The following CCDC91 variants were observed in gnomAD, a reference collection of about 807,000 sequenced individuals.
The protein encoded by CCDC91 is coiled-coil domain containing 91.
In CCDC91, 48 loss-of-function variants were observed where a neutral mutation model predicts 63.2. The ratio of observed to expected loss-of-function variants is 0.76; its 90% CI spans 0.60 to 0.97. The LOEUF (loss-of-function observed/expected upper bound fraction) is 0.97. Among genes scored for constraint, CCDC91 ranks in the 50% least tolerant of loss-of-function variants. The pLI is 0.00. For missense variants in CCDC91, 500 were observed against 494.6 expected, an observed-to-expected ratio of 1.01 and a Z score of -0.10; for synonymous variants, 167 against 165.8, an observed-to-expected ratio of 1.01 and a Z score of -0.06.
rs562150663 is a variant in CCDC91, at chr12:28,194,505, G to A, written c.-15+3864G>A. ...CTTCTGGTGGGTCCATGGTCTTGCC[G>A]ACTTCAGGAGCAAAGCCACAGACCT... On this transcript the variant is annotated intron_variant, in intron 1 of 12. Coordinates refer to ENST00000536442, the MANE Select transcript of CCDC91 (RefSeq NM_018318.5). 4.8e-4 allele frequency among the ~76,000 whole-genome samples: 73 copies of A among 152,284 alleles called. 2 individuals carry two copies. The South Asian group carries it at 0.014, about 29-fold the overall frequency.
chr12:28,479,834 A>AG (rs138553408), intron 11 of CCDC91, among the ~76,000 whole-genome samples: 15,735 of 151,994 alleles, frequency 0.1, 2,165 homozygotes, highest in African/African-American at 0.32. Flanking sequence ...ACTTTTGAAG[A>AG]TGTTGTGCTA....
At chr12:28,232,029 C>T (rs1944634064) in intron 1 of CCDC91, among the ~76,000 whole-genome samples, 1 of 152,128 alleles carries the variant, frequency 6.6e-6, no homozygotes, top group African/African-American at 2.4e-5. Context: ...AGTCTGAAAT[C>T]TGTGATTTTC....
At chr12:28,366,719 A>G (rs970601749) in intron 7 of CCDC91, among the ~76,000 whole-genome samples, 5 of 152,012 alleles carry the variant, frequency 3.3e-5, no homozygotes, top group Non-Finnish European at 7.4e-5. Context: ...GTATCAAGGG[A>G]TACCTAATGG....
At chr12:28,522,455 C>A (rs1940796925) in intron 12 of CCDC91, among the ~76,000 whole-genome samples, 1 of 151,804 alleles carries the variant, frequency 6.6e-6, no homozygotes, top group South Asian at 2.1e-4. Context: ...CTATTTGATT[C>A]TTCTCTCTTT....
At chr12:28,222,478 T>C (rs1167952018) in intron 1 of CCDC91, among the ~76,000 whole-genome samples, 1 of 152,248 alleles carries the variant, frequency 6.6e-6, no homozygotes, top group African/African-American at 2.4e-5. Context: ...ATATGTACTA[T>C]ATTTTTTGGT....
intron 12 of CCDC91, among the ~76,000 whole-genome samples, chr12:28,500,138 G>A (rs1305249779): frequency 6.6e-6 from 1 of 150,720 alleles, no homozygotes; most frequent in Non-Finnish European, 1.5e-5. Flanking sequence ...CTACATAAAT[G>A]TCTTCTTTTG....
At chr12:28,333,887 C>G (rs1286310743) in intron 6 of CCDC91, among the ~76,000 whole-genome samples, 1 of 152,064 alleles carries the variant, frequency 6.6e-6, no homozygotes, top group Non-Finnish European at 1.5e-5. Flanking sequence ...TTTTTTGTAG[C>G]TACATCTCTG....
intron 4 of CCDC91, among the ~76,000 whole-genome samples, chr12:28,306,061 T>C (rs1375161138): frequency 6.6e-6 from 1 of 152,086 alleles, no homozygotes; most frequent in African/African-American, 2.4e-5. Flanking sequence ...TATTAAACTT[T>C]ACTTGGCTTT....
intron 1 of CCDC91, among the ~76,000 whole-genome samples, chr12:28,201,491 G>A (rs35274465): frequency 1.1e-4 from 14 of 124,286 alleles, no homozygotes; most frequent in Admixed American, 3.1e-4. Context: ...AGAGGCGCTC[G>A]TCACTTCCTA....
chr12:28,354,243 C>T (rs1024512285), intron 6 of CCDC91, among the ~76,000 whole-genome samples: 2 of 152,144 alleles, frequency 1.3e-5, no homozygotes, highest in Non-Finnish European at 2.9e-5. Flanking sequence ...CTTCCGGCTT[C>T]TATTAGTGAC....
At chr12:28,328,483 T>C (rs1470625739) in intron 6 of CCDC91, among the ~76,000 whole-genome samples, 1 of 152,224 alleles carries the variant, frequency 6.6e-6, no homozygotes, top group Non-Finnish European at 1.5e-5. Context: ...CTGCAGCTTT[T>C]ATTTTCAGAT....
At chr12:28,272,642 C>T (rs1186711411) in intron 3 of CCDC91, among the ~76,000 whole-genome samples, 2 of 151,688 alleles carry the variant, frequency 1.3e-5, no homozygotes, top group African/African-American at 2.4e-5. Flanking sequence ...TATTTGATGC[C>T]GTAATGCTCT....
chr12:28,276,703 T>C (rs541829573), intron 3 of CCDC91, among the ~76,000 whole-genome samples: 1 of 151,936 alleles, frequency 6.6e-6, no homozygotes, highest in Non-Finnish European at 1.5e-5. Context: ...GATTTTTTTA[T>C]GTTTGAGAGT....
intron 8 of CCDC91, among the ~76,000 whole-genome samples, chr12:28,406,095 A>G (rs1161140597): frequency 3.3e-5 from 5 of 151,948 alleles, no homozygotes; most frequent in East Asian, 1.9e-4. Flanking sequence ...TTTTTCCTCA[A>G]TTTTTAAGTT....
chr12:28,329,536 A>AT, intron 6 of CCDC91, among the ~76,000 whole-genome samples: 1 of 152,284 alleles, frequency 6.6e-6, no homozygotes, highest in East Asian at 1.9e-4. Flanking sequence ...AGGAATTTGA[A>AT]TCAGTAATTA....
intron 3 of CCDC91, among the ~76,000 whole-genome samples, chr12:28,269,273 C>G (rs1010007842): frequency 3.5e-4 from 53 of 152,048 alleles, no homozygotes; most frequent in African/African-American, 1.2e-3. Context: ...TGTGGTACTT[C>G]CTCTTTGTGG....
chr12:28,281,982 T>C (rs1379166566), intron 3 of CCDC91, among the ~76,000 whole-genome samples: 3 of 152,124 alleles, frequency 2.0e-5, no homozygotes, highest in Non-Finnish European at 4.4e-5. Flanking sequence ...AATTGAAATA[T>C]TGATTGAAAA....
At chr12:28,516,595 C>A (rs910131413) in intron 12 of CCDC91, among the ~76,000 whole-genome samples, 4 of 151,778 alleles carry the variant, frequency 2.6e-5, no homozygotes, top group Non-Finnish European at 4.4e-5. Flanking sequence ...CAGAATGAGA[C>A]CCTGTCTTAA....
chr12:28,536,028 CAA>C (rs35608455), intron 12 of CCDC91, among the ~76,000 whole-genome samples: 1 of 117,280 alleles, frequency 8.5e-6, no homozygotes, highest in African/African-American at 3.0e-5. Flanking sequence ...GACTCCATCT[CAA>C]AAAAAAAAAA....
Sources: gnomAD v4.1 joint callset for allele counts (sites outside exome capture counted in the v4.1 genomes callset) on GRCh38, gnomAD v4.1.1 for gene constraint, MANE v1.5 for transcripts, NCBI Gene and HGNC (gene_info 2026-07-23, HGNC 2026-07-21) for gene names.